HYDIN: variants seen among roughly 807,000 people sequenced by gnomAD.
HYDIN encodes the protein HYDIN axonemal central pair apparatus protein.
Under a neutral mutation model 403.9 loss-of-function variants are expected in HYDIN, and 132 were observed. That is an observed-to-expected ratio of 0.33 (90% CI 0.28 to 0.38). The LOEUF is 0.38. Among genes scored for constraint, HYDIN ranks in the 10% least tolerant of loss-of-function variants. The pLI is 1.00. For synonymous variants in HYDIN, 1,202 were observed against 1,891.7 expected, an observed-to-expected ratio of 0.64 and a Z score of 9.46; for missense variants, 2,827 against 5,009.5, an observed-to-expected ratio of 0.56 and a Z score of 13.15.
At chr16:71,134,045 G>A (rs1308627902) in intron 8 of HYDIN, among the ~76,000 whole-genome samples, 2 of 151,930 alleles carry the variant, frequency 1.3e-5, no homozygotes, top group Non-Finnish European at 2.9e-5. Context: ...TTTGAGGTAG[G>A]TGTGGAGGAA....
intron 38 of HYDIN, among the ~76,000 whole-genome samples, chr16:70,961,128 C>T (rs551251578): frequency 8.2e-4 from 124 of 152,022 alleles, no homozygotes; most frequent in African/African-American, 1.7e-3. Context: ...CTTTCTTCTA[C>T]GTGGGATGTC....
At chr16:70,872,367 CATCT>C (rs1278037535) in intron 64 of HYDIN, among the ~76,000 whole-genome samples, 188 bp from the exon 65 acceptor site, 1 of 119,622 alleles carries the variant, frequency 8.4e-6, no homozygotes. Flanking sequence ...CCCATCCATC[CATCT>C]ATCCATCCAT....
At chr16:71,198,556 A>AT (rs1280559669) in intron 1 of HYDIN, among the ~76,000 whole-genome samples, 1 of 152,168 alleles carries the variant, frequency 6.6e-6, no homozygotes, top group Non-Finnish European at 1.5e-5. Context: ...CTGTTCTACT[A>AT]GCCCCCCGCC....
At chr16:70,976,185 G>C (rs914995415) in intron 30 of HYDIN, among the ~76,000 whole-genome samples, 27 of 152,238 alleles carry the variant, frequency 1.8e-4, no homozygotes, top group Non-Finnish European at 3.7e-4. Flanking sequence ...TCTTACTTGA[G>C]ACTAGCTATT....
Position 70,872,371 on chromosome 16 carries a change from T to TATCCATCCATCC in HYDIN, c.10949-204_10949-193dup, listed in dbSNP as rs144467788. On this transcript the variant is annotated intron_variant, in intron 64 of 85. Transcript: ENST00000393567. ...CTATCTATCCACCCATCCATCCATCTATCCATCCATCCATCCATCCATCCA... is the reference window on the plus strand; with the variant it reads ...CTATCTATCCACCCATCCATCCATCTATCCATCCATCCATCCATCCATCCATCCATCCATCCA... 6.5e-4 allele frequency among the ~76,000 whole-genome samples: 89 copies of TATCCATCCATCC among 137,138 alleles called. 1 individual carries two copies. The highest frequency in any genetic ancestry group is 2.3e-3 in the African/African-American group (77 of 32,788). 90.0% of individuals were successfully genotyped at this position (137,138 alleles called of 152,430 possible).
chr16:70,830,368 G>C (rs12051235), intron 80 of HYDIN, among the ~76,000 whole-genome samples: 8 of 141,752 alleles, frequency 5.6e-5, no homozygotes, highest in Non-Finnish European at 9.1e-5. Flanking sequence ...AGGCAGGCCA[G>C]TGTGGCAAAT....
intron 25 of HYDIN, among the ~76,000 whole-genome samples, chr16:70,989,316 G>A (rs571017907): frequency 6.6e-6 from 1 of 152,114 alleles, no homozygotes; most frequent in Admixed American, 6.5e-5. Context: ...GGGGTTACAG[G>A]CGTGAACCAC....
chr16:70,821,958 G>A (rs2036294659), intron 83 of HYDIN, among the ~76,000 whole-genome samples: 1 of 151,986 alleles, frequency 6.6e-6, no homozygotes, highest in African/African-American at 2.4e-5. Context: ...TAATGCACCT[G>A]GACACCCAGG....
chr16:70,976,336 A>C (rs1038451151), intron 30 of HYDIN, among the ~76,000 whole-genome samples: 3 of 152,176 alleles, frequency 2.0e-5, no homozygotes, highest in African/African-American at 4.8e-5. Context: ...TTCAATAATA[A>C]AATTGTTTTC....
At chr16:71,206,565 A>C (rs764059754) in intron 1 of HYDIN, among the ~76,000 whole-genome samples, 1 of 152,176 alleles carries the variant, frequency 6.6e-6, no homozygotes, top group Non-Finnish European at 1.5e-5. Context: ...AAGGGTTCTT[A>C]ACCAGACTGA....
Position 70,943,928 on chromosome 16 carries a change from G to T in HYDIN, c.6553C>A (p.Pro2185Thr), listed in dbSNP as rs766357943. ...TPQISSSPLPPGPIHRWLSVS... is the reference protein window; with the variant it reads ...TPQISSSPLPTGPIHRWLSVS... ...CTGAGCCAGCGGTGGATGGGCCCCG[G>T]GGGGAGAGGGCTGGAGGAAATCTGT... Residue 2185 changes from proline (P) to threonine (T), a missense_variant, in exon 42 of 86, where the codon CCG becomes ACG. Pro to Thr is a conservative substitution (Grantham distance 38). Transcript: ENST00000393567. 9 of 1,610,932 alleles carry T rather than the reference G, an allele frequency of 5.6e-6. 1 individual carries two copies. The Middle Eastern group carries it at 8.2e-4, about 147-fold the overall frequency.
intron 18 of HYDIN, among the ~76,000 whole-genome samples, chr16:71,048,260 G>T (rs1236037111): frequency 6.7e-6 from 1 of 148,944 alleles, no homozygotes; most frequent in Non-Finnish European, 1.5e-5. Flanking sequence ...CACTTAGGTT[G>T]GTTCCACATC....
At chr16:71,120,905 G>A (rs865929554) in intron 9 of HYDIN, among the ~76,000 whole-genome samples, 4 of 152,078 alleles carry the variant, frequency 2.6e-5, no homozygotes, top group Admixed American at 6.6e-5. Context: ...AATGATCCAC[G>A]TTTGCCCACT....
chr16:71,128,744 AC>A (rs1235811790), intron 9 of HYDIN, among the ~76,000 whole-genome samples: 1 of 136,698 alleles, frequency 7.3e-6, no homozygotes, highest in Admixed American at 7.4e-5. Context: ...TCCTCATATC[AC>A]TCTCTGCCTG....
intron 53 of HYDIN, among the ~76,000 whole-genome samples, chr16:70,897,302 G>A (rs2076233068): frequency 6.6e-6 from 1 of 152,124 alleles, no homozygotes; most frequent in South Asian, 2.1e-4. Flanking sequence ...TCTGCTCTGG[G>A]GAGTCCACCT....
chr16:70,979,304 T>A (rs2078975635), intron 29 of HYDIN, among the ~76,000 whole-genome samples: 1 of 148,750 alleles, frequency 6.7e-6, no homozygotes, highest in African/African-American at 2.5e-5. Flanking sequence ...TTGAAGTTAG[T>A]TACATTTGAA....
At chr16:71,212,729 G>C (rs2088663587) in intron 1 of HYDIN, among the ~76,000 whole-genome samples, 1 of 150,482 alleles carries the variant, frequency 6.6e-6, no homozygotes, top group Non-Finnish European at 1.5e-5. Flanking sequence ...ATCACTGAAG[G>C]CTTGAGTGAA....
intron 5 of HYDIN, among the ~76,000 whole-genome samples, chr16:71,165,241 T>C (rs911299054): frequency 2.0e-5 from 3 of 151,254 alleles, no homozygotes; most frequent in Non-Finnish European, 4.4e-5. Flanking sequence ...CCACATCTCC[T>C]CCTCTCCCCT....
At chr16:71,174,155 CT>C (rs138944404) in intron 5 of HYDIN, among the ~76,000 whole-genome samples, 2,800 of 152,166 alleles carry the variant, frequency 0.018, 42 homozygotes, top group Non-Finnish European at 0.029. Flanking sequence ...TTGTAGTTTC[CT>C]AAACACAACC....
Sources: allele counts gnomAD v4.1 joint callset (sites outside exome capture counted in the v4.1 genomes callset), GRCh38; gene constraint gnomAD v4.1.1; transcripts MANE v1.5; gene names NCBI Gene and HGNC (gene_info 2026-07-23, HGNC 2026-07-21).